CADPS2: variants seen among roughly 807,000 people sequenced by gnomAD.
CADPS2 encodes calcium dependent secretion activator 2, also known as calcium-dependent secretion activator 2.
CADPS2 carries 93 observed loss-of-function variants against 172.5 expected under a neutral mutation model. That is an observed-to-expected ratio of 0.54 (90% CI 0.46 to 0.64). CADPS2 has a LOEUF of 0.64. Among genes scored for constraint, CADPS2 ranks in the 30% least tolerant of loss-of-function variants. The pLI is 0.00. For synonymous variants in CADPS2, 546 were observed against 555.2 expected (o/e 0.98, Z 0.23); for missense variants, 1,420 against 1,565.9 (o/e 0.91, Z 1.57).
chr7:122,618,839 G>A (rs35331526), intron 5 of CADPS2, among the ~76,000 whole-genome samples: 5,591 of 152,174 alleles, frequency 0.037, 193 homozygotes, highest in Non-Finnish European at 0.051. Flanking sequence ...CTGCACCATC[G>A]TCACTTAACA....
At chr7:122,564,219 C>A (rs1172133175) in intron 7 of CADPS2, among the ~76,000 whole-genome samples, 1 of 152,094 alleles carries the variant, frequency 6.6e-6, no homozygotes, top group African/African-American at 2.4e-5. Flanking sequence ...TAATGAAAAC[C>A]TTTCCAAGTT....
Position 122,709,496 on chromosome 7 carries a change from C to T in CADPS2, c.453+27459G>A, listed in dbSNP as rs796094204. ...AGTTCAACCATTGTGGAAGCCAGTGCAGCGATTCCTCAGGGATCTAGAACT... is the reference window on the plus strand; with the variant it reads ...AGTTCAACCATTGTGGAAGCCAGTGTAGCGATTCCTCAGGGATCTAGAACT... On this transcript the variant is annotated intron_variant, in intron 2 of 29. Transcript: ENST00000449022. Among the ~76,000 whole-genome samples, 143 of 151,792 alleles carry T rather than the reference C, an allele frequency of 9.4e-4. 2 individuals carry two copies. In the South Asian group the frequency reaches 0.01, roughly 11 times the overall value.
chr7:122,833,223 A>C (rs1007105814), intron 1 of CADPS2, among the ~76,000 whole-genome samples: 1 of 152,340 alleles, frequency 6.6e-6, no homozygotes, highest in Middle Eastern at 3.4e-3. Context: ...AATCTAATAG[A>C]TGGAAATGGT....
chr7:122,581,109 C>A, intron 7 of CADPS2, 70 bp downstream of exon 7: 1 of 1,082,546 alleles, frequency 9.2e-7, no homozygotes, highest in Non-Finnish European at 1.4e-6. Flanking sequence ...GCATACTGAT[C>A]TACCTTAATC....
chr7:122,785,075 C>A (rs925941546), intron 1 of CADPS2, among the ~76,000 whole-genome samples: 2 of 152,112 alleles, frequency 1.3e-5, no homozygotes, highest in Non-Finnish European at 2.9e-5. Flanking sequence ...TTTGATCAAC[C>A]AGAACAGTAA....
At chr7:122,537,873 T>A (rs2062469579) in intron 8 of CADPS2, among the ~76,000 whole-genome samples, 1 of 151,448 alleles carries the variant, frequency 6.6e-6, no homozygotes, top group African/African-American at 2.4e-5. Flanking sequence ...AAAATAATTT[T>A]AAAAAAGGAT....
intron 1 of CADPS2, among the ~76,000 whole-genome samples, chr7:122,851,714 GA>G (rs1301722644): frequency 6.6e-6 from 1 of 152,006 alleles, no homozygotes; most frequent in Non-Finnish European, 1.5e-5. Context: ...TGTGTGCAGG[GA>G]AACTCCTCTT....
chr7:122,600,995 T>G (rs1300395370), intron 6 of CADPS2, among the ~76,000 whole-genome samples: 1 of 152,058 alleles, frequency 6.6e-6, no homozygotes, highest in African/African-American at 2.4e-5. Flanking sequence ...ATGCACCACT[T>G]TAGAAACACA....
At chr7:122,729,680 T>TG (rs1405382551) in intron 2 of CADPS2, among the ~76,000 whole-genome samples, 1 of 148,140 alleles carries the variant, frequency 6.8e-6, no homozygotes, top group Non-Finnish European at 1.5e-5. Context: ...TTAACGGTTT[T>TG]TTTTTTTTTT....
intron 1 of CADPS2, among the ~76,000 whole-genome samples, chr7:122,794,961 G>C (rs1796056062): frequency 6.6e-6 from 1 of 151,998 alleles, no homozygotes; most frequent in African/African-American, 2.4e-5. Flanking sequence ...CTGGGACACA[G>C]CTAAGGCCAT....
Position 122,474,496 on chromosome 7 carries a change from T to C in CADPS2, c.1883A>G (p.His628Arg). 1 of 1,613,166 alleles carries C rather than the reference T, an allele frequency of 6.2e-7. No homozygotes were observed. The highest frequency in any genetic ancestry group is 8.5e-7 in the Non-Finnish European group (1 of 1,179,562). ...SGKDADRFQKHGMDEFISANP... is the reference protein window; with the variant it reads ...SGKDADRFQKRGMDEFISANP... ...TGCAGAAATAAACTCATCCATACCA[T>C]GTTTCTGAAAACGATCTGCATCTGT... The change falls in exon 13 of 30, where the codon CAT becomes CGT. Residue 628 changes from histidine to arginine, a missense_variant. By Grantham distance (29) the His-to-Arg change is conservative. Coordinates refer to ENST00000449022, the MANE Select transcript of CADPS2 (RefSeq NM_017954.11).
intron 4 of CADPS2, among the ~76,000 whole-genome samples, chr7:122,623,648 T>G (rs2075811510): frequency 6.6e-6 from 1 of 152,204 alleles, no homozygotes; most frequent in South Asian, 2.1e-4. Context: ...TAATCTTACC[T>G]TAGTAATGCC....
chr7:122,712,154 C>T (rs1207502739), intron 2 of CADPS2, among the ~76,000 whole-genome samples: 2 of 151,968 alleles, frequency 1.3e-5, no homozygotes, highest in African/African-American at 4.8e-5. Flanking sequence ...AACAATGTTA[C>T]TTTTTCCCCC....
At chr7:122,355,046 T>C (rs1285806689) in intron 27 of CADPS2, among the ~76,000 whole-genome samples, 2 of 152,208 alleles carry the variant, frequency 1.3e-5, no homozygotes, top group East Asian at 3.8e-4. Flanking sequence ...TGATTTTTTT[T>C]TCATTCATAA....
intron 12 of CADPS2, among the ~76,000 whole-genome samples, chr7:122,478,463 G>A (rs1010382065): frequency 1.3e-5 from 2 of 152,180 alleles, no homozygotes; most frequent in African/African-American, 2.4e-5. Flanking sequence ...ATGTATGCTC[G>A]AGCGTCTTTA....
chr7:122,873,076 T>C (rs1043434609), intron 1 of CADPS2, among the ~76,000 whole-genome samples: 1 of 152,236 alleles, frequency 6.6e-6, no homozygotes, highest in Admixed American at 6.5e-5. Flanking sequence ...AATGCCTCCC[T>C]AAGGAAAATG....
intron 1 of CADPS2, among the ~76,000 whole-genome samples, chr7:122,802,652 T>C (rs994236185): frequency 2.6e-5 from 4 of 152,238 alleles, no homozygotes; most frequent in Non-Finnish European, 5.9e-5. Flanking sequence ...TCAGAAATCA[T>C]GTCTCTCTTG....
At chr7:122,758,960 G>T (rs2093273956) in intron 1 of CADPS2, among the ~76,000 whole-genome samples, 1 of 150,142 alleles carries the variant, frequency 6.7e-6, no homozygotes, top group Non-Finnish European at 1.5e-5. Context: ...TTTTTACTTA[G>T]CGCAAACCAA....
intron 7 of CADPS2, among the ~76,000 whole-genome samples, chr7:122,572,081 C>A (rs2067342616): frequency 6.6e-6 from 1 of 152,084 alleles, no homozygotes; most frequent in Non-Finnish European, 1.5e-5. Flanking sequence ...CTCGTGAAAT[C>A]ATAATCACAG....
Sources: allele counts gnomAD v4.1 joint callset (sites outside exome capture counted in the v4.1 genomes callset), GRCh38; gene constraint gnomAD v4.1.1; transcripts MANE v1.5; gene names NCBI Gene and HGNC (gene_info 2026-07-23, HGNC 2026-07-21).